Variants in DENND5A observed in about 807,000 individuals in gnomAD.
The protein encoded by DENND5A is DENN domain containing 5A.
In DENND5A, 64 loss-of-function variants were observed where a neutral mutation model predicts 140.3. That is an observed-to-expected ratio of 0.46 (90% CI 0.37 to 0.56). DENND5A has a LOEUF of 0.56. Among genes scored for constraint, DENND5A ranks in the 20% least tolerant of loss-of-function variants. DENND5A has a pLI of 0.00. For missense variants in DENND5A, 1,292 were observed against 1,593.8 expected (o/e 0.81, Z 3.22); for synonymous variants, 605 against 607.7 (o/e 1.00, Z 0.07).
At chr11:9,204,815 T>C (rs1488154894) in intron 3 of DENND5A, among the ~76,000 whole-genome samples, 3 of 152,146 alleles carry the variant, frequency 2.0e-5, no homozygotes, top group East Asian at 3.8e-4. Flanking sequence ...TGAGCCAAGA[T>C]CATGCACTGC....
At chr11:9,248,930 T>C (rs758016186) in intron 1 of DENND5A, among the ~76,000 whole-genome samples, 1 of 152,126 alleles carries the variant, frequency 6.6e-6, no homozygotes, top group Non-Finnish European at 1.5e-5. Flanking sequence ...TCAGAGATGA[T>C]ACACCTGAAA....
At chr11:9,180,721 C>A (rs367708081) in intron 6 of DENND5A, 46 bp downstream of exon 6, 2 of 1,580,406 alleles carry the variant, frequency 1.3e-6, no homozygotes, top group African/African-American at 2.7e-5. Flanking sequence ...CAGGACAGCA[C>A]CCTAGCACAG....
intron 1 of DENND5A, among the ~76,000 whole-genome samples, chr11:9,247,932 T>C (rs565849567): frequency 6.6e-6 from 1 of 152,210 alleles, no homozygotes; most frequent in Non-Finnish European, 1.5e-5. Context: ...CTTCAGGGTC[T>C]GCTATGTGTC....
Position 9,204,204 on chromosome 11 carries a change from G to A in DENND5A, c.405C>T (p.Leu135=), listed in dbSNP as rs201847476. The change falls in exon 4 of 23, where the codon CTC becomes CTT. Residue 135 remains leucine, a synonymous_variant. Coordinates refer to ENST00000328194, the MANE Select transcript of DENND5A (RefSeq NM_015213.4). ...EDGSRTFGFA[L]TFYEEVTSKQ... is the part of the protein sequence containing the mutation. ...TGCTAGTCACCTCTTCATAAAATGT[G>A]AGGGCAAACCCAAATGTCCGAGAGC... 1.3e-4 allele frequency: 208 copies of A among 1,614,132 alleles called. 1 individual carries two copies. The Admixed American group carries it at 3.4e-3, about 27-fold the overall frequency.
intron 11 of DENND5A, among the ~76,000 whole-genome samples, chr11:9,165,475 T>TAAAAAAAGACAGA (rs1848157765): frequency 6.6e-6 from 1 of 152,128 alleles, no homozygotes; most frequent in Non-Finnish European, 1.5e-5. Context: ...AGTCTCGCTC[T>TAAAAAAAGACAGA]GTTGCCCAGG....
intron 10 of DENND5A, among the ~76,000 whole-genome samples, chr11:9,168,092 A>ATTTTT (rs11285106): frequency 0.02 from 2,808 of 141,916 alleles, 73 homozygotes; most frequent in Admixed American, 0.057. Context: ...AACCTCAGTG[A>ATTTTT]TTTTTTTTTT....
chr11:9,219,558 A>G (rs1046026075), intron 1 of DENND5A, among the ~76,000 whole-genome samples: 2 of 152,368 alleles, frequency 1.3e-5, no homozygotes, highest in African/African-American at 4.8e-5. Context: ...TGCCAAAACG[A>G]GAATTAACAA....
intron 12 of DENND5A, among the ~76,000 whole-genome samples, chr11:9,159,920 T>A (rs1847923229): frequency 6.6e-6 from 1 of 152,218 alleles, no homozygotes; most frequent in South Asian, 2.1e-4. Flanking sequence ...TGGGCATATG[T>A]ACACAGAAGA....
At chr11:9,219,003 T>A (rs1174648560) in intron 1 of DENND5A, among the ~76,000 whole-genome samples, 1 of 151,896 alleles carries the variant, frequency 6.6e-6, no homozygotes, top group Non-Finnish European at 1.5e-5. Context: ...TGAAACTCCA[T>A]CTCAAAAAAA....
Position 9,162,764 on chromosome 11 carries a change from G to A in DENND5A, c.2284-1899C>T, listed in dbSNP as rs75777280. Among the ~76,000 whole-genome samples, 65 of 151,712 alleles carry A rather than the reference G, an allele frequency of 4.3e-4. 1 individual carries two copies. The highest frequency in any genetic ancestry group is 1.6e-3 in the African/African-American group (64 of 41,286). On this transcript the variant is annotated intron_variant, in intron 11 of 22. Coordinates refer to ENST00000328194, the MANE Select transcript of DENND5A (RefSeq NM_015213.4). ...TGCCTAGACTGGAGTGCAGTGGCTCGATCATGGTTCACGTAGCCTCAGCTT... is the reference window on the plus strand; with the variant it reads ...TGCCTAGACTGGAGTGCAGTGGCTCAATCATGGTTCACGTAGCCTCAGCTT...
At chr11:9,236,971 GAA>G (rs997895183) in intron 1 of DENND5A, among the ~76,000 whole-genome samples, 4 of 151,908 alleles carry the variant, frequency 2.6e-5, no homozygotes, top group African/African-American at 9.7e-5. Flanking sequence ...ATTCGTAACA[GAA>G]AAAGAGTTTC....
intron 8 of DENND5A, 100 bp from the exon 9 acceptor site, chr11:9,170,877 A>G (rs1434459891): frequency 1.9e-6 from 3 of 1,549,792 alleles, no homozygotes; most frequent in Non-Finnish European, 2.6e-6. Flanking sequence ...CTACTCTTCC[A>G]TTTCCAGCCA....
chr11:9,196,614 TTTA>T (rs1016671414), intron 4 of DENND5A, among the ~76,000 whole-genome samples: 1 of 152,008 alleles, frequency 6.6e-6, no homozygotes, highest in African/African-American at 2.4e-5. Context: ...ATTTTATTTA[TTTA>T]TTATTTTATT....
chr11:9,160,641 G>C (rs1847947795), intron 12 of DENND5A, 72 bp downstream of exon 12: 3 of 1,430,634 alleles, frequency 2.1e-6, no homozygotes, highest in East Asian at 2.3e-5. Flanking sequence ...TGGACAAAAA[G>C]AGTGTGGGAA....
intron 1 of DENND5A, among the ~76,000 whole-genome samples, chr11:9,256,320 C>T (rs191885357): frequency 7.2e-5 from 11 of 151,974 alleles, no homozygotes; most frequent in Non-Finnish European, 1.5e-4. Context: ...ATTAGCTAGG[C>T]GTGGTGGTAC....
Position 9,145,675 on chromosome 11 carries a change from A to G in DENND5A, c.2998T>C (p.Phe1000Leu). ...QIPRNVLEMT[F>L]ECQNLGKLTT... ...TGGCCCCAAATAACACATACCTCGA[A>G]GGTCATCTCTAGCACATTCCTGGGA... Residue 1000 changes from phenylalanine (F) to leucine (L), a missense_variant, in exon 17 of 23, where the codon TTC becomes CTC. Phe to Leu is a conservative substitution (Grantham distance 22). Around this residue, in one of 4 missense-constraint regions of DENND5A, gnomAD observed 498 missense variants for 689.7 expected, o/e 0.72. Transcript: ENST00000328194. The G allele has an allele frequency of 6.2e-7, 1 of 1,614,166 alleles. No homozygotes were observed. Among genetic ancestry groups the G allele is most frequent in the Non-Finnish European group, 8.5e-7 (1 of 1,180,004 alleles).
At chr11:9,221,701 C>T (rs1850318882) in intron 1 of DENND5A, among the ~76,000 whole-genome samples, 1 of 151,418 alleles carries the variant, frequency 6.6e-6, no homozygotes, top group African/African-American at 2.4e-5. Context: ...ACAAGGAAAT[C>T]AGAAGTTATA....
At chr11:9,181,142 T>G in intron 5 of DENND5A, 58 bp from the exon 6 acceptor site, 3 of 1,507,836 alleles carry the variant, frequency 2.0e-6, no homozygotes, top group Non-Finnish European at 2.7e-6. Flanking sequence ...CAGGAAGAAG[T>G]TTTAGAAAGG....
At chr11:9,218,454 T>C (rs898023912) in intron 1 of DENND5A, among the ~76,000 whole-genome samples, 3 of 152,102 alleles carry the variant, frequency 2.0e-5, no homozygotes, top group African/African-American at 7.2e-5. Context: ...AGCTCATGCT[T>C]AGGCGGGATG....
Sources: allele counts gnomAD v4.1 joint callset (sites outside exome capture counted in the v4.1 genomes callset), GRCh38; gene constraint gnomAD v4.1.1; regional missense constraint gnomAD v4.1.1; transcripts MANE v1.5; gene names NCBI Gene and HGNC (gene_info 2026-07-23, HGNC 2026-07-21).